The following LHX4 variants were observed in gnomAD, a reference collection of about 807,000 sequenced individuals.
The protein encoded by LHX4 is LIM homeobox 4.
LHX4 carries 16 observed loss-of-function variants against 39.2 expected under a neutral mutation model. The observed-to-expected ratio is 0.41, with a 90% CI of 0.28 to 0.62. LHX4 has a LOEUF of 0.62. Among genes scored for constraint, LHX4 ranks in the 20% least tolerant of loss-of-function variants. The probability of loss-of-function intolerance (pLI) is 0.33; values close to 1 mark genes in which losing one functional copy is unlikely to be tolerated. For synonymous variants in LHX4, 206 were observed against 198.1 expected (o/e 1.04, Z -0.33); for missense variants, 439 against 511.9 (o/e 0.86, Z 1.37).
In LHX4 at chr1:180,266,773, C is replaced by T. The variant is rs1418058471; in HGVS notation, c.451+179C>T. Among the ~76,000 whole-genome samples the T allele has an allele frequency of 1.3e-5, 2 of 152,228 alleles. No homozygotes were observed. The highest frequency in any genetic ancestry group is 2.9e-5 in the Non-Finnish European group (2 of 68,040). On this transcript the variant is annotated intron_variant, in intron 3 of 5. Coordinates refer to ENST00000263726, the MANE Select transcript of LHX4 (RefSeq NM_033343.4). The surrounding 1 kb of genome is among the most constrained non-coding windows in gnomAD (Gnocchi z 5.7). ...CTGAGAGTAAATGCTGAACACCTCC[C>T]CGGCCGTTAGCACTCGCCGGCTTCA...
In LHX4 at chr1:180,232,428, A is replaced by G. The variant is rs752967836; in HGVS notation, c.76+1823A>G. 6.6e-6 allele frequency among the ~76,000 whole-genome samples: 1 copy of G among 152,202 alleles called. No individual in the cohort carries two copies. The highest frequency in any genetic ancestry group is 1.5e-5 in the Non-Finnish European group (1 of 68,034). On this transcript the variant is annotated intron_variant, in intron 1 of 5. Coordinates refer to ENST00000263726, the MANE Select transcript of LHX4 (RefSeq NM_033343.4). This position sits in a 1 kb window ranked among gnomAD's most constrained non-coding sequence, Gnocchi z 5.4. ...TTCGACGTCAGGGAGTCGCTTTGCT[A>G]AAATGCCCAGAACTCACCTTCAGAG...
chr1:180,251,119 C>T (rs1355068521), intron 2 of LHX4, among the ~76,000 whole-genome samples: 1 of 152,272 alleles, frequency 6.6e-6, no homozygotes, highest in East Asian at 1.9e-4. Context: ...GTGAGCCTTC[C>T]ACCCCACAGC....
rs1315634055 is a variant in LHX4 at position 180,266,779 on chromosome 1, G to A, written c.451+185G>A. The stretch of plus-strand genomic sequence containing the variant: ...GTAAATGCTGAACACCTCCCCGGCC[G>A]TTAGCACTCGCCGGCTTCATGGAAG... On this transcript the variant is annotated intron_variant, in intron 3 of 5. Coordinates refer to ENST00000263726, the MANE Select transcript of LHX4 (RefSeq NM_033343.4). This position sits in a 1 kb window ranked among gnomAD's most constrained non-coding sequence, Gnocchi z 5.7. Among the ~76,000 whole-genome samples the A allele has an allele frequency of 2.6e-5, 4 of 152,174 alleles. No individual in the cohort carries two copies. Among genetic ancestry groups the A allele is most frequent in the African/African-American group, 9.7e-5 (4 of 41,434 alleles).
upstream of LHX4, among the ~76,000 whole-genome samples, chr1:180,229,038 G>A (rs1394177795): frequency 6.6e-6 from 1 of 152,226 alleles, no homozygotes; most frequent in Non-Finnish European, 1.5e-5. Flanking sequence ...CTGATGGAGC[G>A]TCAGAGGAGA....
In LHX4 at chr1:180,274,538, C is replaced by G. The variant is rs550862818; in HGVS notation, c.1132C>G (p.Pro378Ala). Residue 378 changes from proline (P) to alanine (A), a missense_variant, in exon 6 of 6, where the codon CCA becomes GCA. Physicochemically the swap from Pro to Ala is conservative, Grantham distance 27. Transcript: ENST00000263726. ...AGGCTATCCCGACTTTCCAACTAGC[C>G]CAGGCTCTTGGCTCGATGAAATGGA... Reference protein sequence around the residue: ...SVGYPDFPTSPGSWLDEMDHP... With the variant: ...SVGYPDFPTSAGSWLDEMDHP... The G allele has an allele frequency of 1.2e-6, 2 of 1,600,910 alleles. No homozygotes were observed. The highest frequency in any genetic ancestry group is 2.2e-5 in the South Asian group (2 of 90,874).
chr1:180,239,340 G>A (rs1231760319), intron 1 of LHX4, among the ~76,000 whole-genome samples: 1 of 152,176 alleles, frequency 6.6e-6, no homozygotes, highest in Admixed American at 6.5e-5. Context: ...GCAATTTGTT[G>A]TTTTCTCTTC....
rs1006453722 is a variant in LHX4, at chr1:180,259,936, TG to T, written c.249-6451del. ...GGCAGTTGCTGGTAACAACAAGGTC[TG>T]GGGGAGTGAGCGGTGGGAGGGAGGG... On this transcript the variant is annotated intron_variant, in intron 2 of 5. Transcript: ENST00000263726. Among the ~76,000 whole-genome samples the T allele has an allele frequency of 3.3e-4, 50 of 150,500 alleles. 4 individuals are homozygous for T. Among genetic ancestry groups the T allele is most frequent in the African/African-American group, 1.1e-3 (46 of 40,682 alleles).
At chr1:180,231,599 G>A (rs1014188896) in intron 1 of LHX4, among the ~76,000 whole-genome samples, 2 of 145,270 alleles carry the variant, frequency 1.4e-5, no homozygotes, top group Non-Finnish European at 3.0e-5. Flanking sequence ...GGAGAGTCCT[G>A]CCCCTGTGGC....
At position 180,248,668 on chromosome 1, in the gene LHX4, T is replaced by C. The variant is rs1270876263; in HGVS notation, c.248+212T>C. The C allele has an allele frequency of 4.7e-6, 3 of 638,242 alleles. No homozygotes were observed. In the African/African-American group the frequency reaches 5.4e-5, roughly 11 times the overall value. 39.5% of individuals were successfully genotyped at this position (638,242 alleles called of 1,614,324 possible). ...CCAGAGGTTCAGCCTCTAGACCTCA[T>C]TTGATCTCTGCATGGGGCAGGGGTG... On this transcript the variant is annotated intron_variant, in intron 2 of 5. Transcript: ENST00000263726.
At chr1:180,260,198 C>A (rs1648053666) in intron 2 of LHX4, among the ~76,000 whole-genome samples, 1 of 151,718 alleles carries the variant, frequency 6.6e-6, no homozygotes, top group African/African-American at 2.4e-5. Flanking sequence ...AGGGCCCACT[C>A]TGCACAGGAC....
chr1:180,249,873 G>A (rs943902957), intron 2 of LHX4, among the ~76,000 whole-genome samples: 8 of 150,632 alleles, frequency 5.3e-5, no homozygotes, highest in Non-Finnish European at 8.9e-5. Flanking sequence ...CCCTACGTGT[G>A]TGTGCGTGTG....
chr1:180,261,081 G>C (rs1648096599), intron 2 of LHX4, among the ~76,000 whole-genome samples: 1 of 151,850 alleles, frequency 6.6e-6, no homozygotes, highest in African/African-American at 2.4e-5. Flanking sequence ...TTCAACCCGG[G>C]ACTTAATGCC....
chr1:180,231,374 C>G (rs1220023225), intron 1 of LHX4, among the ~76,000 whole-genome samples: 3 of 151,832 alleles, frequency 2.0e-5, no homozygotes, highest in African/African-American at 7.3e-5. Flanking sequence ...GCTTTCTTCC[C>G]GCGCCCGAAA....
intron 2 of LHX4, among the ~76,000 whole-genome samples, chr1:180,256,546 G>C (rs1050853311): frequency 7.9e-5 from 12 of 152,210 alleles, no homozygotes; most frequent in Admixed American, 7.8e-4. Context: ...TCTGGAGAAT[G>C]AGGCCCTCAG....
intron 2 of LHX4, among the ~76,000 whole-genome samples, chr1:180,261,241 C>G (rs1419721231): frequency 3.3e-5 from 5 of 150,980 alleles, no homozygotes; most frequent in Non-Finnish European, 5.9e-5. Context: ...TGCAGCACAG[C>G]TCTGGATGAG....
In LHX4 at chr1:180,232,120, G is replaced by A. The variant is rs891871493; in HGVS notation, c.76+1515G>A. Among the ~76,000 whole-genome samples, 1 of 152,154 alleles carries A rather than the reference G, an allele frequency of 6.6e-6. No individual in the cohort carries two copies. The highest frequency in any genetic ancestry group is 2.4e-5 in the African/African-American group (1 of 41,430). On this transcript the variant is annotated intron_variant, in intron 1 of 5. Transcript: ENST00000263726. This position sits in a 1 kb window ranked among gnomAD's most constrained non-coding sequence, Gnocchi z 5.4. Reference sequence around the variant, plus strand: ...GGGACAGAGTGGGTTCTCAGCCCCTGCAAAGACGGAAACAGAAACCCTGCA... The same window carrying A: ...GGGACAGAGTGGGTTCTCAGCCCCTACAAAGACGGAAACAGAAACCCTGCA...
chr1:180,236,962 A>T (rs1162002178), intron 1 of LHX4, among the ~76,000 whole-genome samples: 1 of 152,110 alleles, frequency 6.6e-6, no homozygotes, highest in Non-Finnish European at 1.5e-5. Flanking sequence ...CTTTTGTAAC[A>T]ATGTTTTGCC....
intron 2 of LHX4, among the ~76,000 whole-genome samples, chr1:180,258,372 G>A (rs758744633): frequency 5.3e-5 from 8 of 152,202 alleles, no homozygotes; most frequent in Non-Finnish European, 1.2e-4. Context: ...AGGGAGGGTG[G>A]AAAGGCGATG....
intron 2 of LHX4, 55 bp downstream of exon 2, chr1:180,248,511 C>A (rs756321995): frequency 3.8e-6 from 6 of 1,593,842 alleles, no homozygotes; most frequent in Non-Finnish European, 5.2e-6. Flanking sequence ...TCTCCCCAAG[C>A]AGTGAGGGGG....
Sources: gnomAD v4.1 joint callset for allele counts (sites outside exome capture counted in the v4.1 genomes callset) on GRCh38, gnomAD v4.1.1 for gene constraint, Gnocchi (gnomAD v3.1) non-coding constraint, MANE v1.5 for transcripts, NCBI Gene and HGNC (gene_info 2026-07-23, HGNC 2026-07-21) for gene names.